MIPOL1: variants seen among roughly 807,000 people sequenced by gnomAD.
MIPOL1 encodes mirror-image polydactyly 1.
MIPOL1 carries 57 observed loss-of-function variants against 60.9 expected under a neutral mutation model. The observed-to-expected ratio is 0.94, with a 90% CI of 0.76 to 1.17. MIPOL1 has a LOEUF of 1.17. MIPOL1 is among the 50% of genes most tolerant of loss of function. The pLI is 0.00. For synonymous variants in MIPOL1, 179 were observed against 168.8 expected (o/e 1.06, Z -0.47); for missense variants, 551 against 511.6 (o/e 1.08, Z -0.74).
chr14:37,245,186 G>T (rs2153352461), intron 1 of MIPOL1, among the ~76,000 whole-genome samples: 1 of 152,176 alleles, frequency 6.6e-6, no homozygotes, highest in South Asian at 2.1e-4. Flanking sequence ...TTTATTAAAA[G>T]TAGCTTAAAA....
At chr14:37,537,556 TTA>T (rs927111337) in intron 12 of MIPOL1, among the ~76,000 whole-genome samples, 8 of 152,180 alleles carry the variant, frequency 5.3e-5, no homozygotes, top group African/African-American at 1.9e-4. Flanking sequence ...TACAAATGTT[TTA>T]GTCTCAAAAT....
intron 11 of MIPOL1, among the ~76,000 whole-genome samples, chr14:37,468,792 G>C (rs1459885610): frequency 6.6e-6 from 1 of 152,182 alleles, no homozygotes; most frequent in Non-Finnish European, 1.5e-5. Flanking sequence ...CACTAGGTCA[G>C]ATTTCTTGGA....
At chr14:37,402,051 T>G (rs1161519854) in intron 10 of MIPOL1, among the ~76,000 whole-genome samples, 2 of 152,124 alleles carry the variant, frequency 1.3e-5, no homozygotes, top group African/African-American at 4.8e-5. Context: ...GTGTCTTGAA[T>G]ATGACATTCA....
chr14:37,358,965 A>G (rs1236901544), intron 9 of MIPOL1, among the ~76,000 whole-genome samples: 1 of 152,094 alleles, frequency 6.6e-6, no homozygotes, highest in Non-Finnish European at 1.5e-5. Flanking sequence ...TTATGGTTTT[A>G]GGTCTAATAT....
At chr14:37,386,421 T>G (rs1400283815) in intron 10 of MIPOL1, among the ~76,000 whole-genome samples, 1 of 152,012 alleles carries the variant, frequency 6.6e-6, no homozygotes, top group African/African-American at 2.4e-5. Flanking sequence ...GCCTGGTTGA[T>G]GCAAAAGAGG....
chr14:37,541,038 A>G (rs1467157080), intron 12 of MIPOL1, among the ~76,000 whole-genome samples: 3 of 152,144 alleles, frequency 2.0e-5, no homozygotes, highest in Non-Finnish European at 2.9e-5. Flanking sequence ...ATTCATGCTG[A>G]CAAACTTCAA....
chr14:37,541,640 C>T (rs908833803), intron 12 of MIPOL1, among the ~76,000 whole-genome samples: 2 of 152,182 alleles, frequency 1.3e-5, no homozygotes, highest in Admixed American at 6.6e-5. Context: ...TTTTTCCTCA[C>T]TCTATGCTTT....
In MIPOL1 at chr14:37,216,080, GAAAGA is replaced by G. The variant is rs374605160; in HGVS notation, c.-199+17984_-199+17988del. Among the ~76,000 whole-genome samples the G allele has an allele frequency of 1.4e-3, 174 of 125,294 alleles. 1 individual carries two copies. The highest frequency in any genetic ancestry group is 4.1e-3 in the Middle Eastern group (1 of 246). 82.2% of individuals were successfully genotyped at this position (125,294 alleles called of 152,430 possible). ...TCCATCTCAAAAAAAAAAAAAAAAA[GAAAGA>G]AAAGAAAGGGATGGAAAGAGCTATT... On this transcript the variant is annotated intron_variant, in intron 1 of 12. Coordinates refer to ENST00000684589, the MANE Select transcript of MIPOL1 (RefSeq NM_001388067.1).
intron 11 of MIPOL1, among the ~76,000 whole-genome samples, chr14:37,495,921 GTCT>G (rs1430590048): frequency 1.5e-4 from 22 of 147,126 alleles, no homozygotes; most frequent in Admixed American, 6.8e-4. Context: ...CTGCATAAAT[GTCT>G]TCTTTTGAGA....
intron 6 of MIPOL1, among the ~76,000 whole-genome samples, chr14:37,283,637 A>G (rs2084307212): frequency 6.6e-6 from 1 of 152,190 alleles, no homozygotes; most frequent in African/African-American, 2.4e-5. Flanking sequence ...TGGTTTGAGT[A>G]TGGTTACTGT....
At chr14:37,354,885 T>A (rs1306586780) in intron 9 of MIPOL1, among the ~76,000 whole-genome samples, 73 of 87,648 alleles carry the variant, frequency 8.3e-4, no homozygotes, top group African/African-American at 3.0e-3. Flanking sequence ...TGTCTTTCAA[T>A]TGGAGCATTT....
intron 11 of MIPOL1, among the ~76,000 whole-genome samples, chr14:37,449,202 T>G (rs2094382810): frequency 6.6e-6 from 1 of 151,430 alleles, no homozygotes; most frequent in African/African-American, 2.5e-5. Context: ...TTCCATTTTC[T>G]TTTAACCTTC....
At chr14:37,305,650 A>C (rs2086722539) in intron 7 of MIPOL1, among the ~76,000 whole-genome samples, 1 of 151,912 alleles carries the variant, frequency 6.6e-6, no homozygotes, top group Non-Finnish European at 1.5e-5. Context: ...CTTTTAAAAA[A>C]ATACAAGTAG....
At chr14:37,221,173 C>G (rs970138116) in intron 1 of MIPOL1, among the ~76,000 whole-genome samples, 2 of 152,038 alleles carry the variant, frequency 1.3e-5, no homozygotes, top group African/African-American at 4.8e-5. Context: ...AAGAGAATCT[C>G]ACGGTTTGGG....
intron 1 of MIPOL1, among the ~76,000 whole-genome samples, chr14:37,218,305 C>T (rs565178880): frequency 3.3e-5 from 5 of 152,084 alleles, no homozygotes; most frequent in East Asian, 3.9e-4. Flanking sequence ...CTCAGCCTCC[C>T]GAGTAGCTGG....
intron 9 of MIPOL1, among the ~76,000 whole-genome samples, chr14:37,344,047 T>C (rs2090765206): frequency 6.6e-6 from 1 of 152,156 alleles, no homozygotes; most frequent in African/African-American, 2.4e-5. Flanking sequence ...ATAGCTTTTA[T>C]AGTGTATCTC....
chr14:37,321,051 C>G (rs1029888921), intron 9 of MIPOL1, among the ~76,000 whole-genome samples: 6 of 151,950 alleles, frequency 3.9e-5, no homozygotes, highest in Admixed American at 6.6e-5. Flanking sequence ...GTCAAATGTT[C>G]TTCAGTATTT....
At chr14:37,336,063 C>G (rs1221504201) in intron 9 of MIPOL1, among the ~76,000 whole-genome samples, 1 of 145,298 alleles carries the variant, frequency 6.9e-6, no homozygotes, top group African/African-American at 2.5e-5. Flanking sequence ...CCATTTTGAG[C>G]TAATATTTGT....
chr14:37,252,898 C>T (rs759282529), intron 3 of MIPOL1, among the ~76,000 whole-genome samples: 5 of 151,386 alleles, frequency 3.3e-5, no homozygotes, highest in African/African-American at 4.8e-5. Context: ...ATGTTTAAGG[C>T]GGAGAAGAAG....
Sources: allele counts gnomAD v4.1 joint callset (sites outside exome capture counted in the v4.1 genomes callset), GRCh38; gene constraint gnomAD v4.1.1; transcripts MANE v1.5; gene names NCBI Gene and HGNC (gene_info 2026-07-23, HGNC 2026-07-21).